The following SCEL variants were observed in gnomAD, a reference collection of about 807,000 sequenced individuals.
SCEL encodes sciellin.
SCEL carries 113 observed loss-of-function variants against 117.6 expected under a neutral mutation model. That is an observed-to-expected ratio of 0.96 (90% confidence interval 0.83 to 1.12). The LOEUF (loss-of-function observed/expected upper bound fraction) is 1.12. Among genes scored for constraint, SCEL ranks in the 50% most tolerant of loss-of-function variants. The pLI is 0.00. For synonymous variants in SCEL, 270 were observed against 256.2 expected (o/e 1.05, Z -0.51); for missense variants, 785 against 810.8 (o/e 0.97, Z 0.39).
intron 30 of SCEL, among the ~76,000 whole-genome samples, chr13:77,637,699 G>T (rs1443583095): frequency 2.0e-5 from 3 of 152,110 alleles, no homozygotes; most frequent in African/African-American, 7.2e-5. Flanking sequence ...AGGCTTCATT[G>T]CATCCATAGA....
intron 1 of SCEL, among the ~76,000 whole-genome samples, chr13:77,550,592 AT>A (rs949742076): frequency 7.2e-5 from 11 of 151,928 alleles, no homozygotes; most frequent in African/African-American, 2.4e-4. Context: ...TGTTCTGTAC[AT>A]TTCATATCAA....
At chr13:77,573,351 C>T in intron 9 of SCEL, among the ~76,000 whole-genome samples, 1 of 152,160 alleles carries the variant, frequency 6.6e-6, no homozygotes, top group East Asian at 1.9e-4. Context: ...TATGTCTCAA[C>T]ATCTAGAATA....
chr13:77,586,191 T>C (rs111407063), intron 9 of SCEL, among the ~76,000 whole-genome samples: 5 of 152,266 alleles, frequency 3.3e-5, no homozygotes, highest in African/African-American at 9.6e-5. Flanking sequence ...TCAAAATCCA[T>C]GCAGAGGATC....
At chr13:77,542,114 G>A (rs1455633524) in intron 1 of SCEL, among the ~76,000 whole-genome samples, 3 of 152,148 alleles carry the variant, frequency 2.0e-5, no homozygotes, top group Non-Finnish European at 4.4e-5. Context: ...CAGAAAAGAT[G>A]GGCTGTAAGA....
chr13:77,633,253 G>A (rs890452444), intron 28 of SCEL, among the ~76,000 whole-genome samples: 1 of 150,348 alleles, frequency 6.7e-6, no homozygotes, highest in Non-Finnish European at 1.5e-5. Flanking sequence ...TGGCTAACAA[G>A]GTGAAACCCC....
intron 27 of SCEL, among the ~76,000 whole-genome samples, chr13:77,625,433 G>T (rs911157032): frequency 6.6e-6 from 1 of 152,176 alleles, no homozygotes; most frequent in South Asian, 2.1e-4. Context: ...CTCAGTTCTT[G>T]CAGTTATGTA....
At chr13:77,590,844 G>A (rs2086825029) in intron 10 of SCEL, among the ~76,000 whole-genome samples, 1 of 151,990 alleles carries the variant, frequency 6.6e-6, no homozygotes, top group Non-Finnish European at 1.5e-5. Context: ...AGGTCAACCA[G>A]ATACTTTAAA....
In SCEL at chr13:77,644,900, ATT is replaced by A. The variant is rs2090720113; in HGVS notation, c.*627_*628del. 1 of 152,314 alleles carries A rather than the reference ATT, an allele frequency of 6.6e-6. No homozygotes were observed. Among genetic ancestry groups the A allele is most frequent in the South Asian group, 2.1e-4 (1 of 4,844 alleles). The allele number at this position is 152,314 out of a possible 1,614,324, so 9.4% of individuals were successfully genotyped here. A position where few individuals can be genotyped will look rare whatever the true frequency, so the allele number is the denominator to read the frequency against. On this transcript the variant is annotated 3_prime_UTR_variant, in exon 33 of 33. Coordinates refer to ENST00000349847, the MANE Select transcript of SCEL (RefSeq NM_144777.3). ...TGATTCTAAAGCAGTTTTTAGAATC[ATT>A]AGCTCTTTGGAAACATATATGCATA...
Position 77,610,125 on chromosome 13 carries a change from T to C in SCEL, c.1337+19T>C. The C allele has an allele frequency of 6.4e-7, 1 of 1,567,004 alleles. No individual in the cohort carries two copies. Among genetic ancestry groups the C allele is most frequent in the South Asian group, 1.2e-5 (1 of 86,876 alleles). ...ACCAAGGGTAAGGTTTATGGAACTC[T>C]CTATTTCTCCCCCCTTTTTTTTTCC... On this transcript the variant is annotated intron_variant, in intron 22 of 32. Transcript: ENST00000349847.
intron 30 of SCEL, among the ~76,000 whole-genome samples, chr13:77,639,104 G>A (rs753766021): frequency 6.6e-6 from 1 of 152,108 alleles, no homozygotes; most frequent in Admixed American, 6.6e-5. Context: ...AGTGGAAAGA[G>A]CATCTTGTCA....
intron 4 of SCEL, among the ~76,000 whole-genome samples, chr13:77,560,354 C>T (rs2084912126): frequency 1.3e-5 from 2 of 152,062 alleles, no homozygotes; most frequent in Middle Eastern, 3.4e-3. Flanking sequence ...GGAAGAATTG[C>T]CTGACCTTGG....
At chr13:77,597,133 A>G (rs2087285248) in intron 12 of SCEL, 1 of 180,732 alleles carries the variant, frequency 5.5e-6, no homozygotes, top group African/African-American at 2.4e-5. Context: ...TTAAGTATCT[A>G]CTGTATGAAC....
At position 77,637,494 on chromosome 13, in the gene SCEL, G is replaced by A. The variant is rs568298509; in HGVS notation, c.1838+300G>A. Among the ~76,000 whole-genome samples the A allele has an allele frequency of 1.1e-4, 17 of 150,726 alleles. No individual in the cohort carries two copies. The East Asian group carries it at 3.1e-3, about 28-fold the overall frequency. On this transcript the variant is annotated intron_variant, in intron 30 of 32. Transcript: ENST00000349847. ...ATGTTTCTTGTCATGTATGTGCATG[G>A]GCAGACCAAAGTGCAACTCAGTAAC...
chr13:77,613,108 C>T (rs1172922699), intron 23 of SCEL, among the ~76,000 whole-genome samples, 167 bp downstream of exon 23: 1 of 151,972 alleles, frequency 6.6e-6, no homozygotes, highest in Non-Finnish European at 1.5e-5. Context: ...TTATTGCTTT[C>T]ATTAATTTCA....
chr13:77,548,594 C>G (rs1299274145), intron 1 of SCEL, among the ~76,000 whole-genome samples: 3 of 152,202 alleles, frequency 2.0e-5, no homozygotes, highest in Non-Finnish European at 4.4e-5. Context: ...GTGTCCCCAA[C>G]CAAATCTCAC....
rs370160246 is a variant in SCEL at position 77,599,401 on chromosome 13, G to A, written c.857+13G>A. On this transcript the variant is annotated intron_variant, in intron 14 of 32. Coordinates refer to ENST00000349847, the MANE Select transcript of SCEL (RefSeq NM_144777.3). ...AAAGAGAGAAAAGGTAAGTGCATCT[G>A]TCTCAAATATGAAAATCTTACCTTG... 465 of 1,605,624 alleles carry A rather than the reference G, an allele frequency of 2.9e-4. No homozygotes were observed. The highest frequency in any genetic ancestry group is 3.8e-4 in the Non-Finnish European group (447 of 1,173,424).
chr13:77,613,893 C>G lies in SCEL; in HGVS notation c.1389C>G (p.Ser463Arg), dbSNP rs922115440. ...LIKVIPSANK[S>R]SEQGLDEHIN... The stretch of plus-strand genomic sequence containing the variant: ...CCGATTTCCTCTAATTTTGTTTTAG[C>G]AGTGAACAAGGTCTTGATGAACATA... Residue 463 changes from serine to arginine, a missense_variant and splice_region_variant, in exon 24 of 33, where the codon AGC becomes AGG. Ser to Arg is a moderately radical substitution (Grantham distance 110). Transcript: ENST00000349847. 6.2e-7 allele frequency: 1 copy of G among 1,612,508 alleles called. No individual in the cohort carries two copies. The highest frequency in any genetic ancestry group is 8.5e-7 in the Non-Finnish European group (1 of 1,179,080).
intron 1 of SCEL, among the ~76,000 whole-genome samples, chr13:77,539,872 G>C (rs1231124366): frequency 6.6e-6 from 1 of 152,082 alleles, no homozygotes; most frequent in East Asian, 1.9e-4. Flanking sequence ...CTGAAAGAAA[G>C]GAATAAATGA....
chr13:77,599,427 C>G (rs575297514), intron 14 of SCEL, 39 bp downstream of exon 14: 1 of 1,531,272 alleles, frequency 6.5e-7, no homozygotes, highest in Non-Finnish European at 9.0e-7. Context: ...TCTTACCTTG[C>G]AGATTGCTCG....
Sources: allele counts gnomAD v4.1 joint callset (sites outside exome capture counted in the v4.1 genomes callset), GRCh38; gene constraint gnomAD v4.1.1; transcripts MANE v1.5; gene names NCBI Gene and HGNC (gene_info 2026-07-23, HGNC 2026-07-21).